The following PTPRM variants were observed in gnomAD, a reference collection of about 807,000 sequenced individuals.
PTPRM encodes the protein receptor-type tyrosine-protein phosphatase mu.
A neutral mutation model predicts 186.7 loss-of-function variants in PTPRM; 47 were observed. The observed-to-expected ratio is 0.25, with a 90% CI of 0.20 to 0.32. PTPRM has a LOEUF of 0.32. PTPRM is among the 10% of genes least tolerant of loss of function. The pLI is 1.00. For missense variants in PTPRM, 1,494 were observed against 1,865.0 expected (o/e 0.80, Z 3.66); for synonymous variants, 668 against 674.9 (o/e 0.99, Z 0.16).
chr18:8,006,180 G>C (rs1391338099), intron 7 of PTPRM, among the ~76,000 whole-genome samples: 1 of 152,168 alleles, frequency 6.6e-6, no homozygotes, highest in African/African-American at 2.4e-5. Context: ...ATCTATTTTT[G>C]CATAGCTAAT....
intron 14 of PTPRM, among the ~76,000 whole-genome samples, chr18:8,204,757 TAAAAAAACAAAAACAAA>T (rs553806614): frequency 1.9e-3 from 281 of 149,754 alleles, no homozygotes; most frequent in African/African-American, 6.4e-3. Flanking sequence ...ATATGGTAAC[TAAAAAAACAAAAACAAA>T]AAAAAAACAA....
chr18:8,292,782 A>C (rs2095055813), intron 19 of PTPRM, among the ~76,000 whole-genome samples: 2 of 152,188 alleles, frequency 1.3e-5, no homozygotes, highest in Admixed American at 1.3e-4. Context: ...TCAATAGTTA[A>C]AATTTAGGTG....
intron 1 of PTPRM, among the ~76,000 whole-genome samples, chr18:7,684,313 AAAAT>A (rs1408168408): frequency 6.6e-6 from 1 of 152,124 alleles, no homozygotes; most frequent in Non-Finnish European, 1.5e-5. Flanking sequence ...ATAAATAAAT[AAAAT>A]AAATGAATGA....
intron 7 of PTPRM, among the ~76,000 whole-genome samples, chr18:8,019,907 C>G (rs1206902586): frequency 2.0e-5 from 3 of 150,854 alleles, no homozygotes; most frequent in Non-Finnish European, 3.0e-5. Context: ...TGCATTAAAT[C>G]CCTACCAACC....
chr18:7,756,727 G>A (rs1042759381), intron 1 of PTPRM, among the ~76,000 whole-genome samples: 2 of 152,166 alleles, frequency 1.3e-5, no homozygotes, highest in African/African-American at 4.8e-5. Context: ...GTGCCTCTTA[G>A]GGGTTGGGAA....
At chr18:8,329,924 G>A (rs1317886925) in intron 22 of PTPRM, among the ~76,000 whole-genome samples, 1 of 151,878 alleles carries the variant, frequency 6.6e-6, no homozygotes, top group African/African-American at 2.4e-5. Context: ...TCAGCCTCCT[G>A]AGTAGCTAGA....
intron 14 of PTPRM, among the ~76,000 whole-genome samples, chr18:8,209,897 G>A (rs965294555): frequency 4.7e-5 from 7 of 149,386 alleles, no homozygotes; most frequent in African/African-American, 1.7e-4. Flanking sequence ...TAGATGATGG[G>A]TTGATAGGTG....
chr18:7,888,151 G>A lies in PTPRM; in HGVS notation c.242G>A (p.Arg81Lys), dbSNP rs139956933. Residue 81 changes from arginine to lysine, a missense_variant, in exon 3 of 33, where the codon AGA (arginine) becomes AAA (lysine). Physicochemically the swap from Arg to Lys is conservative, Grantham distance 26. This residue lies in a region of PTPRM where 296 missense variants were observed against 345.5 expected (regional missense o/e 0.86). Transcript: ENST00000580170. ...GCCTCTGGGAGACCTGAGGGGCAGA[G>A]AGCCCACCTGCTCTTACCCCAACTT... The part of the protein sequence containing the change: ...VNASGRPEGQ[R>K]AHLLLPQLKE... 2.0e-5 allele frequency: 33 copies of A among 1,613,964 alleles called. No homozygotes were observed. Among genetic ancestry groups the A allele is most frequent in the Non-Finnish European group, 2.7e-5 (32 of 1,180,006 alleles).
chr18:7,697,640 T>C (rs1302362851), intron 1 of PTPRM, among the ~76,000 whole-genome samples: 1 of 152,242 alleles, frequency 6.6e-6, no homozygotes, highest in African/African-American at 2.4e-5. Flanking sequence ...GTGATCCTTG[T>C]CAAACTATGA....
At chr18:7,902,705 A>C (rs2049760637) in intron 3 of PTPRM, among the ~76,000 whole-genome samples, 1 of 152,302 alleles carries the variant, frequency 6.6e-6, no homozygotes, top group Admixed American at 6.5e-5. Flanking sequence ...TATTTTATAA[A>C]TATTTGGACT....
chr18:8,048,153 GA>G (rs778707674), intron 7 of PTPRM, among the ~76,000 whole-genome samples: 9 of 152,152 alleles, frequency 5.9e-5, no homozygotes, highest in Non-Finnish European at 1.2e-4. Context: ...ACATTGGTGG[GA>G]AAATGGAGTT....
At chr18:7,612,656 A>G (rs934877712) in intron 1 of PTPRM, among the ~76,000 whole-genome samples, 1 of 152,196 alleles carries the variant, frequency 6.6e-6, no homozygotes, top group Admixed American at 6.5e-5. Context: ...GCTGTACGAA[A>G]TCATTGCATT....
chr18:8,093,643 C>T (rs2090869098), intron 11 of PTPRM, among the ~76,000 whole-genome samples: 1 of 152,052 alleles, frequency 6.6e-6, no homozygotes, highest in Non-Finnish European at 1.5e-5. Flanking sequence ...AGCAAACTCC[C>T]CTGACCCCAA....
chr18:7,653,375 A>G (rs1193532097), intron 1 of PTPRM, among the ~76,000 whole-genome samples: 5 of 151,988 alleles, frequency 3.3e-5, no homozygotes, highest in Non-Finnish European at 5.9e-5. Context: ...TATATAGGTA[A>G]ACTATGTCAT....
rs2042387546 is a variant in PTPRM at position 7,772,722 on chromosome 18, T to A, written c.74-1427T>A. Among the ~76,000 whole-genome samples, 3 of 152,210 alleles carry A rather than the reference T, an allele frequency of 2.0e-5. No homozygotes were observed. The South Asian group carries it at 6.2e-4, about 32-fold the overall frequency. On this transcript the variant is annotated intron_variant, in intron 1 of 32. Transcript: ENST00000580170. The stretch of plus-strand genomic sequence containing the variant: ...AAGTTGGACCAGGTGACCTCTAACA[T>A]CTGTTTTTGCTCTGAGGTTGGACAA...
chr18:8,113,199 A>G (rs1489426064), intron 11 of PTPRM, among the ~76,000 whole-genome samples: 1 of 152,226 alleles, frequency 6.6e-6, no homozygotes, highest in Admixed American at 6.5e-5. Context: ...CTGCTCACAT[A>G]AACAGTAGAG....
intron 23 of PTPRM, among the ~76,000 whole-genome samples, chr18:8,368,112 T>C (rs568726371): frequency 2.3e-4 from 35 of 151,918 alleles, no homozygotes; most frequent in Admixed American, 1.4e-3. Context: ...TGTAGTTTTA[T>C]ATCTATCCCA....
intron 1 of PTPRM, among the ~76,000 whole-genome samples, chr18:7,607,327 C>A (rs568182911): frequency 6.6e-6 from 1 of 152,232 alleles, no homozygotes; most frequent in Non-Finnish European, 1.5e-5. Context: ...CACTCACTGG[C>A]ATGTGGAAAA....
chr18:8,294,101 A>G (rs2095069398), intron 19 of PTPRM, among the ~76,000 whole-genome samples: 2 of 152,090 alleles, frequency 1.3e-5, no homozygotes. Flanking sequence ...AAATACAAAA[A>G]GTCAGCTGGG....
Sources: gnomAD v4.1 joint callset for allele counts (sites outside exome capture counted in the v4.1 genomes callset) on GRCh38, gnomAD v4.1.1 for gene constraint, gnomAD v4.1.1 regional missense constraint, MANE v1.5 for transcripts, NCBI Gene and HGNC (gene_info 2026-07-23, HGNC 2026-07-21) for gene names.